The following FBXL7 variants were observed in gnomAD, a reference collection of about 807,000 sequenced individuals.
The protein encoded by FBXL7 is F-box/LRR-repeat protein 7.
Under a neutral mutation model 38.3 loss-of-function variants are expected in FBXL7, and 12 were observed. The ratio of observed to expected loss-of-function variants is 0.31; its 90% CI spans 0.20 to 0.51. The LOEUF is 0.51. Ranked by LOEUF, FBXL7 falls within the 20% of genes least tolerant of loss-of-function variation. The pLI is 0.98. For synonymous variants in FBXL7, 297 were observed against 300.9 expected, an observed-to-expected ratio of 0.99 and a Z score of 0.13; for missense variants, 567 against 676.4, an observed-to-expected ratio of 0.84 and a Z score of 1.79.
chr5:15,545,487 A>G lies in FBXL7; in HGVS notation c.37+44774A>G, dbSNP rs148060156. Among the ~76,000 whole-genome samples, 32 of 152,338 alleles carry G rather than the reference A, an allele frequency of 2.1e-4. No individual in the cohort carries two copies. In the East Asian group the frequency reaches 5.8e-3, roughly 28 times the overall value. ...TAGTGGGTGACTTTGCTAAATAATC[A>G]TATAGATTATTATTTTCTTCAATTG... On this transcript the variant is annotated intron_variant, in intron 1 of 3. Transcript: ENST00000504595.
intron 1 of FBXL7, among the ~76,000 whole-genome samples, chr5:15,579,378 C>T (rs563762081): frequency 9.9e-5 from 15 of 152,204 alleles, no homozygotes; most frequent in Non-Finnish European, 2.2e-4. Flanking sequence ...GATGCTGCTT[C>T]TCCCACAGGC....
chr5:15,588,873 CTG>C (rs1235600501), intron 1 of FBXL7, among the ~76,000 whole-genome samples: 1 of 152,158 alleles, frequency 6.6e-6, no homozygotes, highest in African/African-American at 2.4e-5. Context: ...TTTGTTCAAA[CTG>C]TGAAGATTTT....
At chr5:15,836,863 A>G (rs1738606022) in intron 2 of FBXL7, among the ~76,000 whole-genome samples, 1 of 152,172 alleles carries the variant, frequency 6.6e-6, no homozygotes, top group African/African-American at 2.4e-5. Flanking sequence ...AACCTTATCA[A>G]GAGAAATGGG....
At chr5:15,696,322 C>T (rs572336594) in intron 2 of FBXL7, among the ~76,000 whole-genome samples, 2 of 152,194 alleles carry the variant, frequency 1.3e-5, no homozygotes, top group South Asian at 4.2e-4. Flanking sequence ...TTCTAAATGT[C>T]CATCTTCTCA....
chr5:15,565,463 A>T (rs974998885), intron 1 of FBXL7, among the ~76,000 whole-genome samples: 4 of 151,716 alleles, frequency 2.6e-5, no homozygotes, highest in Non-Finnish European at 5.9e-5. Flanking sequence ...CCAATAGGAG[A>T]TGTATGTCTA....
At chr5:15,599,369 A>G (rs989089014) in intron 1 of FBXL7, among the ~76,000 whole-genome samples, 5 of 152,064 alleles carry the variant, frequency 3.3e-5, no homozygotes, top group Admixed American at 1.3e-4. Flanking sequence ...ATGTGTGTGT[A>G]TGTGTGTATG....
chr5:15,576,072 CTTTTTTTTTTTTTTTTT>C (rs35832237), intron 1 of FBXL7, among the ~76,000 whole-genome samples: 4 of 74,260 alleles, frequency 5.4e-5, no homozygotes, highest in Non-Finnish European at 9.6e-5. Context: ...GAATCTCATT[CTTTTTTTTTTTTTTTTT>C]TTTTTTTTTT....
chr5:15,765,806 C>T (rs1319266316), intron 2 of FBXL7, among the ~76,000 whole-genome samples: 1 of 152,088 alleles, frequency 6.6e-6, no homozygotes, highest in African/African-American at 2.4e-5. Context: ...GTATCTCAAA[C>T]TCACACTGTA....
chr5:15,656,396 A>G (rs182498323), intron 2 of FBXL7, among the ~76,000 whole-genome samples: 29 of 152,310 alleles, frequency 1.9e-4, no homozygotes, highest in East Asian at 1.2e-3. Flanking sequence ...TGGCTGGGGA[A>G]TCCTCACAAT....
chr5:15,533,798 A>G lies in FBXL7; in HGVS notation c.37+33085A>G, dbSNP rs115291521. Among the ~76,000 whole-genome samples the G allele has an allele frequency of 2.3e-3, 344 of 152,284 alleles. 2 individuals are homozygous for G. The highest frequency in any genetic ancestry group is 7.4e-3 in the African/African-American group (308 of 41,556). On this transcript the variant is annotated intron_variant, in intron 1 of 3. Transcript: ENST00000504595. The stretch of plus-strand genomic sequence containing the variant: ...ATAATCTTGGAAGGATAAGGAATAT[A>G]GGGAGGATTAGGGTTTTTTCCTAAA...
intron 1 of FBXL7, among the ~76,000 whole-genome samples, chr5:15,611,689 A>G (rs1425168136): frequency 6.6e-6 from 1 of 152,124 alleles, no homozygotes; most frequent in Non-Finnish European, 1.5e-5. Context: ...AGTTATGAGA[A>G]TCAACTGTAT....
chr5:15,924,079 C>T (rs1189212152), intron 2 of FBXL7, among the ~76,000 whole-genome samples: 1 of 152,144 alleles, frequency 6.6e-6, no homozygotes, highest in Non-Finnish European at 1.5e-5. Context: ...AGCGATAAAT[C>T]TCTGCGTACT....
At chr5:15,716,114 A>C (rs1744036724) in intron 2 of FBXL7, among the ~76,000 whole-genome samples, 1 of 152,206 alleles carries the variant, frequency 6.6e-6, no homozygotes, top group African/African-American at 2.4e-5. Flanking sequence ...ATGTCTACAG[A>C]GGATTAAACT....
chr5:15,862,552 A>G (rs1387570663), intron 2 of FBXL7, among the ~76,000 whole-genome samples: 2 of 152,246 alleles, frequency 1.3e-5, no homozygotes, highest in Non-Finnish European at 1.5e-5. Flanking sequence ...TAACAAATTA[A>G]GGAAACAACT....
chr5:15,728,721 A>T (rs1561102487), intron 2 of FBXL7, among the ~76,000 whole-genome samples: 1 of 152,120 alleles, frequency 6.6e-6, no homozygotes, highest in African/African-American at 2.4e-5. Flanking sequence ...TATATTTTCT[A>T]ATTTTCAAAG....
Position 15,500,608 on chromosome 5 carries a change from G to A in FBXL7, c.-69G>A, listed in dbSNP as rs1212879466. Reference sequence around the variant, plus strand: ...GTCCCGTCGGGCGGGCTTTCCTCGGGCCGAGCGCGCAGGACGTGCGCCGCA... The same window carrying A: ...GTCCCGTCGGGCGGGCTTTCCTCGGACCGAGCGCGCAGGACGTGCGCCGCA... On this transcript the variant is annotated 5_prime_UTR_variant, in exon 1 of 4. Coordinates refer to ENST00000504595, the MANE Select transcript of FBXL7 (RefSeq NM_012304.5). 8 of 1,608,224 alleles carry A rather than the reference G, an allele frequency of 5.0e-6. No homozygotes were observed. The East Asian group carries it at 1.8e-4, about 36-fold the overall frequency.
chr5:15,627,138 T>A (rs1225321359), intron 2 of FBXL7, among the ~76,000 whole-genome samples: 1 of 152,258 alleles, frequency 6.6e-6, no homozygotes, highest in Non-Finnish European at 1.5e-5. Flanking sequence ...TAAATATTTC[T>A]GTTAGCTCTT....
intron 2 of FBXL7, among the ~76,000 whole-genome samples, chr5:15,653,212 TATAAG>T (rs1240353018): frequency 2.0e-5 from 3 of 152,112 alleles, no homozygotes; most frequent in East Asian, 1.9e-4. Context: ...ATTATGAAAA[TATAAG>T]AGAAAAGCAC....
intron 1 of FBXL7, among the ~76,000 whole-genome samples, chr5:15,577,534 A>C (rs1306065013): frequency 2.0e-5 from 3 of 151,892 alleles, no homozygotes. Context: ...AGTAAATTAA[A>C]ATATATTCTA....
Sources: allele counts gnomAD v4.1 joint callset (sites outside exome capture counted in the v4.1 genomes callset), GRCh38; gene constraint gnomAD v4.1.1; transcripts MANE v1.5; gene names NCBI Gene and HGNC (gene_info 2026-07-23, HGNC 2026-07-21).